SGCD: variants seen among roughly 807,000 people sequenced by gnomAD.
The protein encoded by SGCD is sarcoglycan delta.
SGCD carries 18 observed loss-of-function variants against 36.6 expected under a neutral mutation model. The ratio of observed to expected loss-of-function variants is 0.49; its 90% confidence interval spans 0.34 to 0.73. SGCD has a LOEUF of 0.73. SGCD is among the 30% of genes least tolerant of loss of function. SGCD has a pLI of 0.01. For synonymous variants in SGCD, 133 were observed against 130.6 expected (o/e 1.02, Z -0.12); for missense variants, 387 against 346.7 (o/e 1.12, Z -0.92).
chr5:155,947,650 AAAG>A (rs751245414), intron 1 of SGCD, among the ~76,000 whole-genome samples: 3 of 152,076 alleles, frequency 2.0e-5, no homozygotes, highest in Non-Finnish European at 2.9e-5. Context: ...GAAACATCCT[AAAG>A]AAGTACTTTT....
chr5:156,387,737 A>AT (rs1771345906), intron 3 of SGCD, among the ~76,000 whole-genome samples: 1 of 152,202 alleles, frequency 6.6e-6, no homozygotes, highest in Non-Finnish European at 1.5e-5. Flanking sequence ...GAGGGCCCAA[A>AT]AACAACTTCA....
chr5:156,485,938 C>A (rs1404213718), intron 3 of SGCD, among the ~76,000 whole-genome samples: 1 of 152,096 alleles, frequency 6.6e-6, no homozygotes, highest in Non-Finnish European at 1.5e-5. Flanking sequence ...GGGACTCCTG[C>A]AATCCTAGTT....
chr5:155,746,856 G>T, the SGCD span, among the ~76,000 whole-genome samples: 1 of 152,138 alleles, frequency 6.6e-6, no homozygotes, highest in Admixed American at 6.5e-5. Flanking sequence ...CCTTCTTCCC[G>T]TTTTATCAGG....
Position 156,136,943 on chromosome 5 carries a change from A to G in SGCD, c.-44+12924A>G, listed in dbSNP as rs561482409. On this transcript the variant is annotated intron_variant, in intron 3 of 9. Transcript: ENST00000517913. ...TATTACATAAAACATAGTTCAATAA[A>G]GAAATCAAGAAACCACTCAGTAAAG... 8.5e-5 allele frequency among the ~76,000 whole-genome samples: 13 copies of G among 152,378 alleles called. No homozygotes were observed. In the South Asian group the frequency reaches 2.7e-3, roughly 32 times the overall value.
rs372908223 is a variant in SGCD, at chr5:155,975,675, G to A, written c.-282+105251G>A. On this transcript the variant is annotated intron_variant, in intron 1 of 9. Transcript: ENST00000517913. ...ACGGAGTTTCGCTCTTGTTGCCCAG[G>A]CTGGAGTGCAATGGCAAGATCTCAG... is the stretch of plus-strand genomic sequence containing the variant. Among the ~76,000 whole-genome samples, 255 of 117,412 alleles carry A rather than the reference G, an allele frequency of 2.2e-3. 2 individuals are homozygous for A. Among genetic ancestry groups the A allele is most frequent in the African/African-American group, 8.3e-3 (245 of 29,394 alleles). The allele number at this position is 117,412 out of a possible 152,430, so 77.0% of individuals were successfully genotyped here.
chr5:155,821,103 G>GA, the SGCD span, among the ~76,000 whole-genome samples: 1 of 152,080 alleles, frequency 6.6e-6, no homozygotes, highest in African/African-American at 2.4e-5. Flanking sequence ...GCAAGAGCCA[G>GA]AAAAAGCAAT....
chr5:155,825,903 C>T, the SGCD span, among the ~76,000 whole-genome samples: 2 of 151,994 alleles, frequency 1.3e-5, no homozygotes, highest in African/African-American at 4.8e-5. Flanking sequence ...CACCTGCCAC[C>T]ACACCCAACT....
rs1229365091 is a variant in SGCD at position 156,573,214 on chromosome 5, A to T, written c.295-16017A>T. Among the ~76,000 whole-genome samples the T allele has an allele frequency of 2.0e-5, 3 of 152,298 alleles. No homozygotes were observed. In the East Asian group the frequency reaches 5.8e-4, roughly 29 times the overall value. ...AGCTTTACAGACTCAGCAGTCTTAG[A>T]GTATGAAGGTCTCAGCCTTGGATTT... On this transcript the variant is annotated intron_variant, in intron 4 of 8. Coordinates refer to ENST00000337851, the MANE Select transcript of SGCD (RefSeq NM_000337.6).
At chr5:156,456,561 C>T (rs1339728750) in intron 3 of SGCD, among the ~76,000 whole-genome samples, 1 of 152,118 alleles carries the variant, frequency 6.6e-6, no homozygotes, top group Non-Finnish European at 1.5e-5. Context: ...AAGTCTCAGC[C>T]TGGTGTCTCC....
At chr5:156,463,670 C>G (rs1754595628) in intron 3 of SGCD, among the ~76,000 whole-genome samples, 1 of 152,170 alleles carries the variant, frequency 6.6e-6, no homozygotes, top group African/African-American at 2.4e-5. Context: ...GTCTCCTTCA[C>G]TTACTTCACT....
At chr5:156,698,860 C>T (rs1387898407) in intron 7 of SGCD, among the ~76,000 whole-genome samples, 6 of 151,644 alleles carry the variant, frequency 4.0e-5, no homozygotes, top group African/African-American at 1.5e-4. Flanking sequence ...CACACACACA[C>T]ACACACACAC....
At chr5:156,260,051 G>GA (rs1225624606) in intron 3 of SGCD, among the ~76,000 whole-genome samples, 1 of 152,188 alleles carries the variant, frequency 6.6e-6, no homozygotes, top group South Asian at 2.1e-4. Flanking sequence ...TGTAGCAACA[G>GA]AAAAAACACT....
chr5:156,735,380 C>T (rs751978194), intron 7 of SGCD, among the ~76,000 whole-genome samples: 3 of 152,332 alleles, frequency 2.0e-5, no homozygotes, highest in East Asian at 3.9e-4. Flanking sequence ...CTGCCCCCCA[C>T]TGCCTCTGGG....
chr5:155,982,914 A>C (rs539180549), intron 1 of SGCD, among the ~76,000 whole-genome samples: 7 of 151,886 alleles, frequency 4.6e-5, no homozygotes, highest in African/African-American at 1.7e-4. Context: ...TTGTAGTTTC[A>C]TTTCTGCCTT....
At chr5:155,888,979 T>A (rs1182391232) in intron 1 of SGCD, among the ~76,000 whole-genome samples, 3 of 152,246 alleles carry the variant, frequency 2.0e-5, no homozygotes, top group African/African-American at 7.2e-5. Flanking sequence ...CAGATGTAGT[T>A]CAAATGGCTT....
intron 2 of SGCD, among the ~76,000 whole-genome samples, chr5:156,332,177 G>A (rs921814452): frequency 2.0e-5 from 3 of 152,162 alleles, no homozygotes; most frequent in African/African-American, 7.2e-5. Flanking sequence ...CCACCCCTCT[G>A]ATGTTACCAG....
At position 156,302,611 on chromosome 5, in the gene SGCD, A is replaced by G. The variant is rs1267349399; in HGVS notation, c.-43-26923A>G. On this transcript the variant is annotated intron_variant, in intron 3 of 9. Transcript: ENST00000517913. Reference sequence around the variant, plus strand: ...ATATTTGTGCATTAAATATTTAGATATTAGATATTTATTATAGTCTGGACT... The same window carrying G: ...ATATTTGTGCATTAAATATTTAGATGTTAGATATTTATTATAGTCTGGACT... Among the ~76,000 whole-genome samples, 3 of 152,214 alleles carry G rather than the reference A, an allele frequency of 2.0e-5. No homozygotes were observed. The East Asian group carries it at 5.8e-4, about 29-fold the overall frequency.
At chr5:156,194,377 T>C (rs1179603688) in intron 3 of SGCD, among the ~76,000 whole-genome samples, 1 of 151,578 alleles carries the variant, frequency 6.6e-6, no homozygotes, top group Admixed American at 6.6e-5. Flanking sequence ...AGACCCTGTC[T>C]CCAAAAAAGA....
chr5:156,738,486 G>C (rs1000729061), intron 7 of SGCD: 2 of 152,192 alleles, frequency 1.3e-5, no homozygotes, highest in Non-Finnish European at 2.9e-5. Flanking sequence ...AAAAGTAGTT[G>C]ACAAATTCTA....
Sources: allele counts gnomAD v4.1 joint callset (sites outside exome capture counted in the v4.1 genomes callset), GRCh38; gene constraint gnomAD v4.1.1; transcripts MANE v1.5; gene names NCBI Gene and HGNC (gene_info 2026-07-23, HGNC 2026-07-21).